The following LRRC4C variants were observed in gnomAD, a reference collection of about 807,000 sequenced individuals.
The protein encoded by LRRC4C is leucine-rich repeat-containing protein 4C.
A neutral mutation model predicts 33.6 loss-of-function variants in LRRC4C; 5 were observed. The ratio of observed to expected loss-of-function variants is 0.15; its 90% confidence interval spans 0.08 to 0.31. The LOEUF (loss-of-function observed/expected upper bound fraction) is 0.31, where lower values mean the gene tolerates loss of function less well. LRRC4C is among the 10% of genes least tolerant of loss of function. LRRC4C has a pLI of 1.00. For synonymous variants in LRRC4C, 329 were observed against 302.0 expected (o/e 1.09, Z -0.93); for missense variants, 560 against 796.7 (o/e 0.70, Z 3.58).
At chr11:40,182,716 C>A (rs1405618576) in intron 5 of LRRC4C, among the ~76,000 whole-genome samples, 1 of 152,072 alleles carries the variant, frequency 6.6e-6, no homozygotes, top group Non-Finnish European at 1.5e-5. Flanking sequence ...TGAAAACATC[C>A]CAAATGTCAA....
intron 3 of LRRC4C, among the ~76,000 whole-genome samples, chr11:40,416,006 G>C (rs571576754): frequency 1.3e-5 from 2 of 152,202 alleles, no homozygotes; most frequent in African/African-American, 4.8e-5. Context: ...GCAATATAAA[G>C]ATTATGTTAA....
At chr11:40,402,561 C>A (rs562804854) in intron 3 of LRRC4C, among the ~76,000 whole-genome samples, 62 of 152,158 alleles carry the variant, frequency 4.1e-4, no homozygotes, top group African/African-American at 1.5e-3. Flanking sequence ...TATATGAATT[C>A]ACTTGGGCAA....
chr11:41,146,751 CA>C (rs1164871461), intron 1 of LRRC4C, among the ~76,000 whole-genome samples: 1 of 152,170 alleles, frequency 6.6e-6, no homozygotes, highest in African/African-American at 2.4e-5. Flanking sequence ...GTGCTCTCTT[CA>C]GGGGGAAATA....
intron 3 of LRRC4C, among the ~76,000 whole-genome samples, chr11:40,368,085 G>C (rs548632515): frequency 5.3e-5 from 8 of 152,078 alleles, no homozygotes; most frequent in Non-Finnish European, 1.0e-4. Flanking sequence ...CAGGGACATT[G>C]GTAAAGGTGA....
At chr11:40,330,256 G>T (rs1452212144) in intron 3 of LRRC4C, among the ~76,000 whole-genome samples, 2 of 152,094 alleles carry the variant, frequency 1.3e-5, no homozygotes, top group African/African-American at 2.4e-5. Context: ...CATTATTTCT[G>T]GGTGTGTCTG....
At chr11:41,242,221 T>C (rs1341858883) in intron 1 of LRRC4C, among the ~76,000 whole-genome samples, 1 of 152,178 alleles carries the variant, frequency 6.6e-6, no homozygotes, top group Non-Finnish European at 1.5e-5. Context: ...TTTTGTTTTG[T>C]ATAGCCAAAC....
intron 6 of LRRC4C, among the ~76,000 whole-genome samples, chr11:40,131,821 C>T (rs1202004055): frequency 2.0e-5 from 3 of 152,072 alleles, no homozygotes; most frequent in East Asian, 1.9e-4. Flanking sequence ...ATGGTTGATG[C>T]GTCAACTATA....
At chr11:40,197,028 C>T (rs555337368) in intron 5 of LRRC4C, among the ~76,000 whole-genome samples, 5 of 152,278 alleles carry the variant, frequency 3.3e-5, no homozygotes, top group Non-Finnish European at 7.3e-5. Context: ...CATGCCCCAT[C>T]TTGCACCAAA....
intron 1 of LRRC4C, among the ~76,000 whole-genome samples, chr11:41,389,221 A>G (rs977822268): frequency 5.5e-4 from 83 of 151,980 alleles, no homozygotes; most frequent in Admixed American, 1.9e-3. Context: ...ATACATCCAT[A>G]TACATGTAGG....
chr11:41,453,219 G>A (rs915706159), intron 1 of LRRC4C, among the ~76,000 whole-genome samples: 2 of 152,118 alleles, frequency 1.3e-5, no homozygotes, highest in African/African-American at 2.4e-5. Flanking sequence ...TGTAACTGCA[G>A]TACAATCATG....
At chr11:40,657,838 G>A (rs906517415) in intron 2 of LRRC4C, among the ~76,000 whole-genome samples, 1 of 152,170 alleles carries the variant, frequency 6.6e-6, no homozygotes, top group Non-Finnish European at 1.5e-5. Context: ...ACTGAGACCT[G>A]CCTCAAATCT....
chr11:41,138,668 A>AT (rs1943371357), intron 1 of LRRC4C, among the ~76,000 whole-genome samples: 2 of 152,176 alleles, frequency 1.3e-5, no homozygotes, highest in Admixed American at 1.3e-4. Flanking sequence ...TGAATATCCA[A>AT]TTGTACCAGA....
intron 3 of LRRC4C, among the ~76,000 whole-genome samples, chr11:40,625,711 T>G (rs1962864274): frequency 6.6e-6 from 1 of 152,184 alleles, no homozygotes. Context: ...TTTTCCAAAT[T>G]TCCTTGTCTG....
chr11:40,786,379 A>G (rs1322104385), intron 2 of LRRC4C, among the ~76,000 whole-genome samples: 1 of 152,162 alleles, frequency 6.6e-6, no homozygotes, highest in Non-Finnish European at 1.5e-5. Flanking sequence ...TTCTGCCATC[A>G]TCACAAGAAG....
chr11:40,168,272 G>C (rs1859763783), intron 5 of LRRC4C, among the ~76,000 whole-genome samples: 1 of 152,112 alleles, frequency 6.6e-6, no homozygotes, highest in African/African-American at 2.4e-5. Flanking sequence ...TTTATTATAA[G>C]ACTAACATTT....
intron 4 of LRRC4C, among the ~76,000 whole-genome samples, chr11:40,271,128 A>C (rs1374799289): frequency 6.6e-6 from 1 of 152,094 alleles, no homozygotes; most frequent in Non-Finnish European, 1.5e-5. Flanking sequence ...CAACATTGCT[A>C]CCCCCAATTA....
intron 3 of LRRC4C, among the ~76,000 whole-genome samples, chr11:40,566,682 T>C (rs929258100): frequency 6.6e-6 from 1 of 152,124 alleles, no homozygotes; most frequent in Non-Finnish European, 1.5e-5. Flanking sequence ...CTAATGAACA[T>C]AGGTAGCAAT....
chr11:41,030,888 C>T (rs137860697), intron 1 of LRRC4C, among the ~76,000 whole-genome samples: 211 of 151,760 alleles, frequency 1.4e-3, no homozygotes, highest in African/African-American at 4.9e-3. Flanking sequence ...ATATATGAGG[C>T]CAGCTATTAG....
intron 3 of LRRC4C, among the ~76,000 whole-genome samples, chr11:40,536,598 C>T (rs1956483460): frequency 6.6e-6 from 1 of 152,184 alleles, no homozygotes; most frequent in Non-Finnish European, 1.5e-5. Flanking sequence ...CTTATTCACT[C>T]AACTGGCCGC....
Sources: gnomAD v4.1 joint callset for allele counts (sites outside exome capture counted in the v4.1 genomes callset) on GRCh38, gnomAD v4.1.1 for gene constraint, MANE v1.5 for transcripts, NCBI Gene and HGNC (gene_info 2026-07-23, HGNC 2026-07-21) for gene names.